Variants in CACNG3 observed in about 807,000 individuals in gnomAD.
CACNG3 encodes the protein calcium voltage-gated channel auxiliary subunit gamma 3.
CACNG3 carries 3 observed loss-of-function variants against 28.5 expected under a neutral mutation model. The ratio of observed to expected loss-of-function variants is 0.11; its 90% CI spans 0.05 to 0.27. The LOEUF (loss-of-function observed/expected upper bound fraction) is 0.27. Among genes scored for constraint, CACNG3 ranks in the 10% least tolerant of loss-of-function variants. CACNG3 has a pLI of 1.00. For synonymous variants in CACNG3, 174 were observed against 162.2 expected (o/e 1.07, Z -0.55); for missense variants, 236 against 414.4 (o/e 0.57, Z 3.74).
chr16:24,305,735 C>G (rs1302082157), intron 1 of CACNG3, among the ~76,000 whole-genome samples: 1 of 152,036 alleles, frequency 6.6e-6, no homozygotes, highest in Admixed American at 6.6e-5. Flanking sequence ...ATAGGTGTAG[C>G]AAACCACCAT....
At chr16:24,283,779 G>A (rs947964023) in intron 1 of CACNG3, among the ~76,000 whole-genome samples, 8 of 152,106 alleles carry the variant, frequency 5.3e-5, no homozygotes, top group African/African-American at 1.2e-4. Flanking sequence ...CACAGATCTC[G>A]GTTTACATCC....
chr16:24,361,857 C>A lies in CACNG3; in HGVS notation c.942C>A (p.Pro314=), dbSNP rs201263434. ...ATCCGGCCAACAGGCGCACCACGCC[C>A]GTCTGAACTGACCTCTGACCTCTGC... is the stretch of plus-strand genomic sequence containing the variant. ...HNNPANRRTT[P]V The change falls in exon 4 of 4, where the codon CCC becomes CCA. Residue 314 remains proline (P), a synonymous_variant. Transcript: ENST00000005284. The surrounding 1 kb of genome is among the most constrained non-coding windows in gnomAD (Gnocchi z 6.8). The A allele has an allele frequency of 1.2e-6, 2 of 1,603,182 alleles. No individual in the cohort carries two copies. Among genetic ancestry groups the A allele is most frequent in the South Asian group, 1.1e-5 (1 of 90,316 alleles).
At chr16:24,310,462 G>A (rs979553366) in intron 1 of CACNG3, among the ~76,000 whole-genome samples, 7 of 152,174 alleles carry the variant, frequency 4.6e-5, no homozygotes, top group Admixed American at 3.3e-4. Flanking sequence ...TACTTGGGAG[G>A]CTGAGGCAGG....
At chr16:24,317,020 T>C (rs1899360907) in intron 1 of CACNG3, among the ~76,000 whole-genome samples, 1 of 152,306 alleles carries the variant, frequency 6.6e-6, no homozygotes, top group Admixed American at 6.5e-5. Flanking sequence ...AGAGGCATCA[T>C]GACACCAGTT....
chr16:24,285,741 T>C (rs1352365317), intron 1 of CACNG3, among the ~76,000 whole-genome samples: 1 of 151,712 alleles, frequency 6.6e-6, no homozygotes, highest in Non-Finnish European at 1.5e-5. Context: ...ATTTAAAAAG[T>C]ATATATAATT....
At chr16:24,272,073 T>TA (rs1898697795) in intron 1 of CACNG3, among the ~76,000 whole-genome samples, 1 of 151,818 alleles carries the variant, frequency 6.6e-6, no homozygotes, top group East Asian at 1.9e-4. Flanking sequence ...GAAGACACAT[T>TA]GAGTGATTAT....
chr16:24,258,370 A>G (rs1266480985), intron 1 of CACNG3, among the ~76,000 whole-genome samples: 1 of 152,236 alleles, frequency 6.6e-6, no homozygotes, highest in Non-Finnish European at 1.5e-5. Context: ...CCTTTAATGC[A>G]GCAAGGATCA....
At chr16:24,262,302 G>C (rs1381314326) in intron 1 of CACNG3, among the ~76,000 whole-genome samples, 1 of 152,166 alleles carries the variant, frequency 6.6e-6, no homozygotes, top group East Asian at 1.9e-4. Context: ...AGATGGAAGA[G>C]AGAAATGGGA....
rs898361887 is a variant in CACNG3, at chr16:24,268,918, T to C, written c.211+11953T>C. Among the ~76,000 whole-genome samples, 2 of 152,222 alleles carry C rather than the reference T, an allele frequency of 1.3e-5. 1 individual carries two copies. The highest frequency in any genetic ancestry group is 1.3e-4 in the Admixed American group (2 of 15,284). On this transcript the variant is annotated intron_variant, in intron 1 of 3. Transcript: ENST00000005284. ...TACCCTCATCCTCAACTCCAGGTTT[T>C]GGGCTTGGATGACTCTGTAACATAG...
intron 1 of CACNG3, among the ~76,000 whole-genome samples, chr16:24,342,950 G>T (rs987946987): frequency 7.2e-5 from 11 of 152,080 alleles, no homozygotes; most frequent in African/African-American, 2.7e-4. Flanking sequence ...AGCACTTCAG[G>T]AGGCTGAGGC....
chr16:24,312,169 C>T (rs541852118), intron 1 of CACNG3, among the ~76,000 whole-genome samples: 4 of 152,282 alleles, frequency 2.6e-5, no homozygotes, highest in East Asian at 1.9e-4. Flanking sequence ...GGGGAAGCTG[C>T]AGGTCTAACA....
chr16:24,304,725 T>A (rs1016687047), intron 1 of CACNG3, among the ~76,000 whole-genome samples: 1 of 152,182 alleles, frequency 6.6e-6, no homozygotes, highest in Admixed American at 6.5e-5. Context: ...CATGCCCAGA[T>A]AACTTTTGTA....
At chr16:24,322,245 G>A (rs77011494) in intron 1 of CACNG3, among the ~76,000 whole-genome samples, 6,634 of 152,130 alleles carry the variant, frequency 0.044, 204 homozygotes, top group Middle Eastern at 0.095. Flanking sequence ...TCACTCCTTC[G>A]TTAGGTGAGG....
At chr16:24,284,057 G>A (rs986630130) in intron 1 of CACNG3, among the ~76,000 whole-genome samples, 2 of 152,140 alleles carry the variant, frequency 1.3e-5, no homozygotes, top group African/African-American at 4.8e-5. Context: ...GGTAAGTTAT[G>A]TTAATGTCTT....
intron 3 of CACNG3, among the ~76,000 whole-genome samples, chr16:24,358,124 TG>T (rs1470963182): frequency 6.6e-6 from 1 of 152,226 alleles, no homozygotes; most frequent in Non-Finnish European, 1.5e-5. Flanking sequence ...ACACTAAGGT[TG>T]ATCATTTGAG....
At chr16:24,328,149 G>A (rs956536863) in intron 1 of CACNG3, among the ~76,000 whole-genome samples, 6 of 152,072 alleles carry the variant, frequency 3.9e-5, no homozygotes, top group African/African-American at 1.4e-4. Flanking sequence ...TTTGTAATAT[G>A]TGCCTGAAAG....
chr16:24,272,343 T>C (rs1332129850), intron 1 of CACNG3, among the ~76,000 whole-genome samples: 1 of 152,096 alleles, frequency 6.6e-6, no homozygotes, highest in African/African-American at 2.4e-5. Flanking sequence ...GACAGCTACT[T>C]CTGGTTTGGT....
chr16:24,292,597 C>T (rs1898980169), intron 1 of CACNG3, among the ~76,000 whole-genome samples: 1 of 152,154 alleles, frequency 6.6e-6, no homozygotes, highest in African/African-American at 2.4e-5. Flanking sequence ...CCCATCCCCT[C>T]TGCCCAGACT....
At chr16:24,306,312 C>A (rs1237527694) in intron 1 of CACNG3, among the ~76,000 whole-genome samples, 2 of 152,216 alleles carry the variant, frequency 1.3e-5, no homozygotes, top group African/African-American at 4.8e-5. Flanking sequence ...TGCCTCCTGG[C>A]TGCTGAAGTG....
Sources: gnomAD v4.1 joint callset for allele counts (sites outside exome capture counted in the v4.1 genomes callset) on GRCh38, gnomAD v4.1.1 for gene constraint, Gnocchi (gnomAD v3.1) non-coding constraint, MANE v1.5 for transcripts, NCBI Gene and HGNC (gene_info 2026-07-23, HGNC 2026-07-21) for gene names.